VWA3A: variants seen among roughly 807,000 people sequenced by gnomAD.
VWA3A encodes the protein von Willebrand factor A domain-containing protein 3A.
A neutral mutation model predicts 160.4 loss-of-function variants in VWA3A; 134 were observed. The ratio of observed to expected loss-of-function variants is 0.84; its 90% CI spans 0.73 to 0.96. The LOEUF (loss-of-function observed/expected upper bound fraction) is 0.96, where lower values mean the gene tolerates loss of function less well. Among genes scored for constraint, VWA3A ranks in the 40% least tolerant of loss-of-function variants. VWA3A has a pLI of 0.00. For synonymous variants in VWA3A, 476 were observed against 543.4 expected (o/e 0.88, Z 1.72); for missense variants, 1,310 against 1,447.9 (o/e 0.90, Z 1.55).
rs2045657088 is a variant in VWA3A at position 22,116,857 on chromosome 16, A to G, written c.914A>G (p.Gln305Arg). 1 of 1,612,722 alleles carries G rather than the reference A, an allele frequency of 6.2e-7. No individual in the cohort carries two copies. The highest frequency in any genetic ancestry group is 8.5e-7 in the Non-Finnish European group (1 of 1,179,482). ...IHFITYRCDD[Q>R]MPPAVLKNLA... ...TTCATCACCTACAGATGCGATGATC[A>G]GATGCCCCCTGTGAGTGCCCGAGAT... The change falls in exon 10 of 34, where the codon CAG (glutamine) becomes CGG (arginine). Residue 305 changes from glutamine to arginine, a missense_variant. By Grantham distance (43) the Gln-to-Arg change is conservative. Transcript: ENST00000389398.
intron 30 of VWA3A, among the ~76,000 whole-genome samples, chr16:22,151,453 T>A (rs962689177): frequency 1.4e-4 from 21 of 152,280 alleles, no homozygotes; most frequent in Admixed American, 9.8e-4. Context: ...TTTTACAGTC[T>A]CCCTCCTACT....
At chr16:22,140,285 C>T (rs773827167) in intron 23 of VWA3A, 41 bp downstream of exon 23, 38 of 1,588,992 alleles carry the variant, frequency 2.4e-5, no homozygotes, top group African/African-American at 6.7e-5. Flanking sequence ...AGGGATGTCA[C>T]GGTCACGGCT....
chr16:22,155,396 C>G (rs754585844), intron 31 of VWA3A, among the ~76,000 whole-genome samples, 171 bp from the exon 32 acceptor site: 1 of 152,078 alleles, frequency 6.6e-6, no homozygotes, highest in Non-Finnish European at 1.5e-5. Context: ...GAATGACTGT[C>G]TTGATAGGTA....
intron 24 of VWA3A, 63 bp downstream of exon 24, chr16:22,141,755 G>A: frequency 6.9e-7 from 1 of 1,441,526 alleles, no homozygotes; most frequent in South Asian, 1.3e-5. Context: ...TGTAAGGGCA[G>A]CAGGTACCGT....
At chr16:22,149,086 G>A (rs1026095577) in intron 28 of VWA3A, among the ~76,000 whole-genome samples, 3 of 152,060 alleles carry the variant, frequency 2.0e-5, no homozygotes, top group Non-Finnish European at 4.4e-5. Flanking sequence ...TGCTTTACAC[G>A]CATCATTTCA....
chr16:22,133,896 T>G (rs1249062717), intron 20 of VWA3A, among the ~76,000 whole-genome samples: 1 of 152,124 alleles, frequency 6.6e-6, no homozygotes, highest in East Asian at 1.9e-4. Context: ...TGAACATCCC[T>G]TAGATTGTTT....
At chr16:22,123,843 C>A in intron 16 of VWA3A, 136 bp downstream of exon 16, 1 of 789,836 alleles carries the variant, frequency 1.3e-6, no homozygotes, top group Non-Finnish European at 2.0e-6. Flanking sequence ...TCAGCAGAAC[C>A]CCCAGAGGAG....
chr16:22,148,412 A>G (rs775880856), intron 28 of VWA3A, 106 bp downstream of exon 28: 3 of 1,417,842 alleles, frequency 2.1e-6, no homozygotes, highest in South Asian at 1.4e-5. Context: ...AGTTTCTGAG[A>G]TGCTCTTCTG....
chr16:22,150,964 G>A, intron 30 of VWA3A, 118 bp downstream of exon 30: 1 of 1,255,112 alleles, frequency 8.0e-7, no homozygotes, highest in Non-Finnish European at 1.1e-6. Flanking sequence ...TTTCTCCTGG[G>A]CCCTAATCCT....
chr16:22,129,470 T>G (rs971731544), intron 17 of VWA3A, among the ~76,000 whole-genome samples: 4 of 151,214 alleles, frequency 2.6e-5, no homozygotes, highest in African/African-American at 9.7e-5. Flanking sequence ...CTACAGAATG[T>G]CATCACTGGC....
At chr16:22,095,597 G>T (rs2045306633) in intron 1 of VWA3A, among the ~76,000 whole-genome samples, 1 of 152,092 alleles carries the variant, frequency 6.6e-6, no homozygotes, top group Admixed American at 6.6e-5. Flanking sequence ...TCCCTCTATT[G>T]CCCAGGATTG....
At chr16:22,153,645 T>C (rs1232440257) in intron 31 of VWA3A, among the ~76,000 whole-genome samples, 1 of 152,144 alleles carries the variant, frequency 6.6e-6, no homozygotes, top group East Asian at 1.9e-4. Context: ...AGTGATAACA[T>C]TCCCAGCGCA....
chr16:22,125,669 C>T (rs1020258182), intron 16 of VWA3A, among the ~76,000 whole-genome samples: 4 of 151,950 alleles, frequency 2.6e-5, no homozygotes, highest in Non-Finnish European at 4.4e-5. Context: ...GTGATCCGCC[C>T]GCCTCGGCCT....
chr16:22,097,828 C>T, intron 3 of VWA3A, 133 bp downstream of exon 3: 1 of 1,205,226 alleles, frequency 8.3e-7, no homozygotes, highest in Non-Finnish European at 1.1e-6. Flanking sequence ...AAGCATTTAT[C>T]TCTAATCCTC....
chr16:22,138,929 C>T (rs1042581014), intron 22 of VWA3A, among the ~76,000 whole-genome samples: 2 of 152,126 alleles, frequency 1.3e-5, no homozygotes, highest in Non-Finnish European at 2.9e-5. Context: ...TGGGCTGAGC[C>T]TGCTAGGGGC....
Position 22,135,690 on chromosome 16 carries a change from T to A in VWA3A, c.2139+1252T>A, listed in dbSNP as rs548829346. On this transcript the variant is annotated intron_variant, in intron 21 of 33. Transcript: ENST00000389398. ...ACGTCAAGGTTATTGCTAAACCCAT[T>A]CCTAAGCTCAGGGCCTTTGCACCTG... Among the ~76,000 whole-genome samples, 16 of 152,330 alleles carry A rather than the reference T, an allele frequency of 1.1e-4. No homozygotes were observed. The South Asian group carries it at 1.9e-3, about 18-fold the overall frequency.
At chr16:22,149,537 G>C (rs2046311120) in intron 28 of VWA3A, among the ~76,000 whole-genome samples, 1 of 152,192 alleles carries the variant, frequency 6.6e-6, no homozygotes, top group Non-Finnish European at 1.5e-5. Context: ...AGGCCACTGT[G>C]TCTGGCTTGG....
rs778398321 is a variant in VWA3A, at chr16:22,149,868, G to A, written c.3066G>A (p.Glu1022=). 17 of 1,612,640 alleles carry A rather than the reference G, an allele frequency of 1.1e-5. No individual in the cohort carries two copies. The highest frequency in any genetic ancestry group is 3.3e-5 in the Admixed American group (2 of 59,906). ...LVETTDAACH[E]AMQWVTHLQA... is the part of the protein sequence containing the mutation. ...AGACCACAGATGCAGCGTGTCATGAGGCTATGCAATGGGTGACCCACCTGC... is the reference window on the plus strand; with the variant it reads ...AGACCACAGATGCAGCGTGTCATGAAGCTATGCAATGGGTGACCCACCTGC... Residue 1022 remains glutamate (E), a synonymous_variant, in exon 29 of 34, where the codon GAG becomes GAA. Coordinates refer to ENST00000389398, the MANE Select transcript of VWA3A (RefSeq NM_173615.5).
intron 28 of VWA3A, 53 bp from the exon 29 acceptor site, chr16:22,149,734 C>G: frequency 6.5e-7 from 1 of 1,541,652 alleles, no homozygotes. Flanking sequence ...CTGTTCTAAC[C>G]AATCTCTTTC....
Sources: gnomAD v4.1 joint callset for allele counts (sites outside exome capture counted in the v4.1 genomes callset) on GRCh38, gnomAD v4.1.1 for gene constraint, MANE v1.5 for transcripts, NCBI Gene and HGNC (gene_info 2026-07-23, HGNC 2026-07-21) for gene names.